COL4A6: variants seen among roughly 807,000 people sequenced by gnomAD.
COL4A6 encodes collagen type IV alpha 6 chain, also known as collagen alpha-6(IV) chain.
In COL4A6, 59 loss-of-function variants were observed where a neutral mutation model predicts 126.7. The observed-to-expected ratio is 0.47, with a 90% CI of 0.38 to 0.58. The LOEUF (loss-of-function observed/expected upper bound fraction) is 0.58. COL4A6 is among the 20% of genes least tolerant of loss of function. The pLI, the probability that COL4A6 is intolerant of heterozygous loss-of-function variation, is 0.00. For synonymous variants in COL4A6, 547 were observed against 496.6 expected, an observed-to-expected ratio of 1.10 and a Z score of -1.35; for missense variants, 1,285 against 1,337.3, an observed-to-expected ratio of 0.96 and a Z score of 0.61.
intron 3 of COL4A6, among the ~76,000 whole-genome samples, chrX:108,269,712 G>A (rs2037399308): frequency 1.8e-5 from 2 of 111,915 alleles, no homozygotes; most frequent in Admixed American, 9.5e-5. Context: ...ATAGTATTTT[G>A]GTGTTTGAGG....
chrX:108,200,991 T>A (rs1182857286), intron 13 of COL4A6, among the ~76,000 whole-genome samples: 1 of 112,229 alleles, frequency 8.9e-6, no homozygotes, highest in East Asian at 2.8e-4. Flanking sequence ...GTCTAAAGTT[T>A]GGGTGTTCTG....
chrX:108,346,736 A>G (rs1052250095), intron 2 of COL4A6, among the ~76,000 whole-genome samples: 4 of 112,692 alleles, frequency 3.5e-5, no homozygotes, highest in African/African-American at 1.3e-4. Flanking sequence ...ATAAAGACCC[A>G]AAACACTTCT....
At chrX:108,382,671 G>A (rs1401717969) in intron 2 of COL4A6, among the ~76,000 whole-genome samples, 1 of 110,501 alleles carries the variant, frequency 9.0e-6, no homozygotes, top group African/African-American at 3.3e-5. Context: ...ACTAGGCCAG[G>A]CACGGTGGCT....
chrX:108,232,300 T>C (rs897772794), intron 3 of COL4A6, among the ~76,000 whole-genome samples: 1 of 111,704 alleles, frequency 9.0e-6, no homozygotes, highest in Non-Finnish European at 1.9e-5. Context: ...TAATGGGAAT[T>C]GCAAGAATAA....
intron 22 of COL4A6, 48 bp from the exon 23 acceptor site, chrX:108,187,327 T>C (rs762157301): frequency 3.0e-6 from 3 of 1,016,117 alleles, no homozygotes; most frequent in Non-Finnish European, 3.9e-6. Context: ...CAGAGATTTA[T>C]CTGGACAGTC....
intron 3 of COL4A6, among the ~76,000 whole-genome samples, chrX:108,244,193 G>A (rs2036654616): frequency 1.8e-5 from 2 of 109,294 alleles, no homozygotes. Flanking sequence ...AGCAAGGCTG[G>A]GCTGCCATAA....
In COL4A6 at chrX:108,190,454, C is replaced by A. The variant is rs769636947; in HGVS notation, c.1364G>T (p.Gly455Val). 30 of 1,204,158 alleles carry A rather than the reference C, an allele frequency of 2.5e-5. No individual in the cohort carries two copies. The highest frequency in any genetic ancestry group is 3.4e-5 in the Non-Finnish European group (30 of 891,428). ...TTGTTCTCCTCGGAGACCAGGGAACCCTGACTCTTTGTTGTGTAGAGTTTC... is the reference window on the plus strand; with the variant it reads ...TTGTTCTCCTCGGAGACCAGGGAACACTGACTCTTTGTTGTGTAGAGTTTC... ...ETETLHNKES[G>V]FPGLRGEQGP... Residue 455 changes from glycine (G) to valine (V), a missense_variant, in exon 20 of 45, where the codon GGG becomes GTG. Physicochemically the swap from Gly to Val is moderately radical, Grantham distance 109. Transcript: ENST00000334504.
At chrX:108,325,386 T>C (rs1300085226) in intron 2 of COL4A6, among the ~76,000 whole-genome samples, 2 of 111,789 alleles carry the variant, frequency 1.8e-5, no homozygotes, top group Non-Finnish European at 3.8e-5. Flanking sequence ...GTGCAAGACA[T>C]AAACTACCAA....
chrX:108,432,436 T>C (rs1257442648), intron 2 of COL4A6, among the ~76,000 whole-genome samples: 1 of 112,589 alleles, frequency 8.9e-6, no homozygotes, highest in African/African-American at 3.2e-5. Context: ...TTCCAGAATA[T>C]TTTTGGGATT....
chrX:108,240,908 T>C (rs2036554731), intron 3 of COL4A6, among the ~76,000 whole-genome samples: 1 of 111,455 alleles, frequency 9.0e-6, no homozygotes, highest in Non-Finnish European at 1.9e-5. Context: ...AATTAACTTA[T>C]GAAAAATGGA....
At chrX:108,285,311 T>C (rs760483630) in intron 3 of COL4A6, among the ~76,000 whole-genome samples, 23 of 112,138 alleles carry the variant, frequency 2.1e-4, no homozygotes, top group African/African-American at 7.1e-4. Flanking sequence ...CAAGTATTTC[T>C]CTAGATTGTT....
At chrX:108,292,993 CAAAAAAAAAAAAA>C (rs149076547) in intron 3 of COL4A6, among the ~76,000 whole-genome samples, 5 of 14,555 alleles carry the variant, frequency 3.4e-4, no homozygotes, top group Non-Finnish European at 4.9e-4. Context: ...AGGAAAAAAG[CAAAAAAAAAAAAA>C]AAAAAAAAAA....
chrX:108,263,325 C>G (rs953849506), intron 3 of COL4A6, among the ~76,000 whole-genome samples: 1 of 111,554 alleles, frequency 9.0e-6, no homozygotes, highest in African/African-American at 3.3e-5. Context: ...TGAACTTAGG[C>G]ATTGGTGTTT....
At chrX:108,180,660 G>A (rs1305961418) in intron 24 of COL4A6, 38 bp from the exon 25 acceptor site, 1 of 1,050,636 alleles carries the variant, frequency 9.5e-7, no homozygotes, top group Non-Finnish European at 1.3e-6. Context: ...GGAAAGGAAA[G>A]TCGGTGTGCT....
Position 108,437,985 on chromosome X carries a change from A to C in COL4A6, c.20T>G (p.Leu7Arg), listed in dbSNP as rs766310963. 8.3e-7 allele frequency: 1 copy of C among 1,211,279 alleles called. No individual in the cohort carries two copies. The highest frequency in any genetic ancestry group is 1.8e-5 in the South Asian group (1 of 56,781). MHPGLW[L>R]LLVTLCLTEE... ...GGTCAGGCACAACGTAACCAGGAGC[A>C]GCCACAACCTGAAATGGGAGGGAGG... The change falls in exon 2 of 45, where the codon CTG becomes CGG. Residue 7 changes from leucine (L) to arginine (R), a missense_variant. Physicochemically the swap from Leu to Arg is moderately radical, Grantham distance 102. Coordinates refer to ENST00000334504, the MANE Select transcript of COL4A6 (RefSeq NM_033641.4).
At chrX:108,384,636 G>A (rs2040642116) in intron 2 of COL4A6, among the ~76,000 whole-genome samples, 1 of 111,512 alleles carries the variant, frequency 9.0e-6, no homozygotes, top group African/African-American at 3.3e-5. Flanking sequence ...GTAGGCATGA[G>A]AGAGAACATA....
intron 2 of COL4A6, among the ~76,000 whole-genome samples, chrX:108,435,991 G>A (rs975179194): frequency 2.7e-5 from 3 of 111,613 alleles, no homozygotes; most frequent in African/African-American, 3.3e-5. Context: ...GAACCAGCCC[G>A]TATAGATAAG....
intron 3 of COL4A6, among the ~76,000 whole-genome samples, chrX:108,223,219 C>T (rs749799737): frequency 3.6e-5 from 4 of 110,601 alleles, no homozygotes; most frequent in Non-Finnish European, 5.7e-5. Flanking sequence ...ATCACACATG[C>T]GGGCCTGTTG....
At chrX:108,371,496 G>C (rs890301368) in intron 2 of COL4A6, among the ~76,000 whole-genome samples, 9 of 99,734 alleles carry the variant, frequency 9.0e-5, no homozygotes, top group African/African-American at 3.3e-4. Context: ...AAACACAACT[G>C]TATATACTTT....
Sources: gnomAD v4.1 joint callset for allele counts (sites outside exome capture counted in the v4.1 genomes callset) on GRCh38, gnomAD v4.1.1 for gene constraint, MANE v1.5 for transcripts, NCBI Gene and HGNC (gene_info 2026-07-23, HGNC 2026-07-21) for gene names.